SLC12A5: variants seen among roughly 807,000 people sequenced by gnomAD.
The protein encoded by SLC12A5 is solute carrier family 12 member 5.
SLC12A5 carries 18 observed loss-of-function variants against 124.0 expected under a neutral mutation model. The observed-to-expected ratio is 0.15, with a 90% CI of 0.10 to 0.22. The LOEUF is 0.22. Among genes scored for constraint, SLC12A5 ranks in the 10% least tolerant of loss-of-function variants. The pLI is 1.00. For missense variants in SLC12A5, 867 were observed against 1,478.7 expected (o/e 0.59, Z 6.78); for synonymous variants, 589 against 568.0 (o/e 1.04, Z -0.53).
rs1372240525 is a variant in SLC12A5 at position 46,059,826 on chromosome 20, T to G, written c.*2221T>G. ...TTGTAGTGATAACTAGTGTTGCTTT[T>G]GTTTTAGATGATCTATGTGCAGGGC... On this transcript the variant is annotated 3_prime_UTR_variant, in exon 26 of 26. Transcript: ENST00000243964. The G allele has an allele frequency of 5.1e-6, 2 of 394,638 alleles. No individual in the cohort carries two copies. The highest frequency in any genetic ancestry group is 8.9e-6 in the Non-Finnish European group (2 of 223,970). The allele number at this position is 394,638 out of a possible 1,614,324, so 24.4% of individuals were successfully genotyped here. A position where few individuals can be genotyped will look rare whatever the true frequency, so the allele number is the denominator to read the frequency against.
intron 11 of SLC12A5, chr20:46,044,626 G>T: frequency 3.2e-6 from 1 of 310,930 alleles, no homozygotes. Context: ...ATGTCTGAAG[G>T]GCATGAGCAC....
At chr20:46,039,776 A>C (rs944223241) in intron 6 of SLC12A5, among the ~76,000 whole-genome samples, 3 of 129,980 alleles carry the variant, frequency 2.3e-5, no homozygotes, top group Non-Finnish European at 5.1e-5. Context: ...ACTTTATTTC[A>C]AAAAAAAAAC....
Position 46,059,814 on chromosome 20 carries a change from T to A in SLC12A5, c.*2209T>A, listed in dbSNP as rs2084737308. On this transcript the variant is annotated 3_prime_UTR_variant, in exon 26 of 26. Coordinates refer to ENST00000243964, the MANE Select transcript of SLC12A5 (RefSeq NM_020708.5). The stretch of plus-strand genomic sequence containing the variant: ...ATTTCAATAGCCTTGTAGTGATAAC[T>A]AGTGTTGCTTTTGTTTTAGATGATC... 5.1e-6 allele frequency: 2 copies of A among 395,766 alleles called. No individual in the cohort carries two copies. The highest frequency in any genetic ancestry group is 3.6e-5 in the East Asian group (1 of 27,874). 24.5% of individuals were successfully genotyped at this position (395,766 alleles called of 1,614,324 possible).
chr20:46,041,430 G>A lies in SLC12A5; in HGVS notation c.956G>A (p.Gly319Asp), dbSNP rs371544733. The change falls in exon 8 of 26, where the codon GGC (glycine) becomes GAC (aspartate). Residue 319 changes from glycine (G) to aspartate (D), a missense_variant. Transcript: ENST00000243964. ...GNETVTTRLW[G>D]LFCSSRFLNA... The stretch of plus-strand genomic sequence containing the variant: ...GAGACGGTGACCACACGGCTATGGG[G>A]CCTTTTCTGCTCCTCTCGCTTCCTC... 2 of 1,614,126 alleles carry A rather than the reference G, an allele frequency of 1.2e-6. No individual in the cohort carries two copies. The highest frequency in any genetic ancestry group is 1.1e-5 in the South Asian group (1 of 91,076).
intron 18 of SLC12A5, among the ~76,000 whole-genome samples, chr20:46,052,485 C>T (rs1001452145): frequency 3.9e-5 from 6 of 152,172 alleles, no homozygotes; most frequent in African/African-American, 1.2e-4. Flanking sequence ...GGATCGCTTG[C>T]GCTCAGGAGT....
rs1254472782 is a variant in SLC12A5 at position 46,054,930 on chromosome 20, C to T, written c.2694C>T (p.Ile898=). ...TCTGCCCACAGCATGAGAGCGACAT[C>T]TCAGCTTACACCTATGAGAAGACGT... is the stretch of plus-strand genomic sequence containing the variant. The part of the protein sequence containing the change: ...VEVVEMHESD[I]SAYTYEKTLV... The change falls in exon 21 of 26, where the codon ATC becomes ATT. Residue 898 remains isoleucine (I), a synonymous_variant. Transcript: ENST00000243964. The T allele has an allele frequency of 6.2e-7, 1 of 1,613,528 alleles. No individual in the cohort carries two copies. The highest frequency in any genetic ancestry group is 1.7e-5 in the Admixed American group (1 of 59,962).
In SLC12A5 at chr20:46,059,530, G is replaced by A. The variant is rs2084732246; in HGVS notation, c.*1925G>A. 1 of 398,928 alleles carries A rather than the reference G, an allele frequency of 2.5e-6. No individual in the cohort carries two copies. Among genetic ancestry groups the A allele is most frequent in the African/African-American group, 2.1e-5 (1 of 48,604 alleles). 24.7% of individuals were successfully genotyped at this position (398,928 alleles called of 1,614,324 possible). The stretch of plus-strand genomic sequence containing the variant: ...GGCCTGAATATTCCAGAGCTGATGT[G>A]ATGGGCTGTGCAGAAGGGGGCTGTA... On this transcript the variant is annotated 3_prime_UTR_variant, in exon 26 of 26. Transcript: ENST00000243964.
chr20:46,045,853 C>A lies in SLC12A5; in HGVS notation c.1570-25C>A. The stretch of plus-strand genomic sequence containing the variant: ...GCTGAGAAATCCTTGAGGTCTCAGT[C>A]CCATGATGATTGCTCTTTCCCCAGG... On this transcript the variant is annotated intron_variant, in intron 12 of 25. Transcript: ENST00000243964. This position sits in a 1 kb window ranked among gnomAD's most constrained non-coding sequence, Gnocchi z 4.9. 6.3e-7 allele frequency: 1 copy of A among 1,598,614 alleles called. No individual in the cohort carries two copies.
intron 1 of SLC12A5, among the ~76,000 whole-genome samples, chr20:46,032,903 A>T (rs529576253): frequency 2.6e-5 from 4 of 152,294 alleles, no homozygotes; most frequent in African/African-American, 9.6e-5. Flanking sequence ...GCCCTGGAGA[A>T]CTTAGCTCCA....
At position 46,059,254 on chromosome 20, in the gene SLC12A5, C is replaced by T. The variant is rs2084728771; in HGVS notation, c.*1649C>T. ...CCAGAGCTGGCGCCACTGAGTAATC[C>T]GGACCTCACCACCTCTTTTCCTTTG... On this transcript the variant is annotated 3_prime_UTR_variant, in exon 26 of 26. Transcript: ENST00000243964. 2 of 282,850 alleles carry T rather than the reference C, an allele frequency of 7.1e-6. No homozygotes were observed. Among genetic ancestry groups the T allele is most frequent in the South Asian group, 1.7e-4 (1 of 5,986 alleles). The allele number at this position is 282,850 out of a possible 1,614,324, so 17.5% of individuals were successfully genotyped here.
rs2084706258 is a variant in SLC12A5, at chr20:46,057,406, G to C, written c.3259+103G>C. 6.2e-7 allele frequency: 1 copy of C among 1,606,028 alleles called. No homozygotes were observed. Among genetic ancestry groups the C allele is most frequent in the African/African-American group, 1.3e-5 (1 of 74,842 alleles). ...CTGAGCTGTTCCTGCCTCCGGATCA[G>C]CACCTCGGACAGGGACACGGGCGCG... is the stretch of plus-strand genomic sequence containing the variant. On this transcript the variant is annotated intron_variant, in intron 25 of 25. Coordinates refer to ENST00000243964, the MANE Select transcript of SLC12A5 (RefSeq NM_020708.5). This position sits in a 1 kb window ranked among gnomAD's most constrained non-coding sequence, Gnocchi z 7.1.
At chr20:46,055,364 C>G (rs999465463) in intron 21 of SLC12A5, among the ~76,000 whole-genome samples, 1 of 152,096 alleles carries the variant, frequency 6.6e-6, no homozygotes, top group African/African-American at 2.4e-5. Context: ...GGGATAAGGG[C>G]TCATGTAGAA....
intron 1 of SLC12A5, among the ~76,000 whole-genome samples, chr20:46,033,193 G>T (rs546176012): frequency 6.6e-6 from 1 of 152,166 alleles, no homozygotes; most frequent in Non-Finnish European, 1.5e-5. Context: ...AAGGTTTCCC[G>T]GAGGTAGAGA....
chr20:46,027,628 C>CTGTTTGTTTGTTTGTT (rs72102685), upstream of SLC12A5: 1 of 151,316 alleles, frequency 6.6e-6, no homozygotes, highest in Non-Finnish European at 1.5e-5. Context: ...GATGTAGTGC[C>CTGTTTGTTTGTTTGTT]TGTTTGTTTG....
In SLC12A5 at chr20:46,050,576, C is replaced by T. The variant is rs541878218; in HGVS notation, c.2181+786C>T. 2.3e-4 allele frequency among the ~76,000 whole-genome samples: 35 copies of T among 152,242 alleles called. No homozygotes were observed. In the East Asian group the frequency reaches 3.9e-3, roughly 17 times the overall value. ...TGGGGAGGGGCACCCCGATGGCTTG[C>T]GACAGTCGCTGCTTCTGCCTCACTG... On this transcript the variant is annotated intron_variant, in intron 17 of 25. Coordinates refer to ENST00000243964, the MANE Select transcript of SLC12A5 (RefSeq NM_020708.5).
At chr20:46,027,214 G>T (rs533334676), upstream of SLC12A5, among the ~76,000 whole-genome samples, 6 of 152,218 alleles carry the variant, frequency 3.9e-5, no homozygotes, top group East Asian at 5.8e-4. Context: ...CCTTTTGGTG[G>T]TTTTTTTCTC....
Position 46,057,237 on chromosome 20 carries a change from C to A in SLC12A5, c.3193C>A (p.Arg1065=), listed in dbSNP as rs774675766. ...RLNEVIVKKS[R]DAKLVLLNMP... ...GAACGAGGTCATCGTGAAGAAATCC[C>A]GGGACGCCAAGCTTGTTTTGCTCAA... Residue 1065 remains arginine, a synonymous_variant, in exon 25 of 26, where the codon CGG becomes AGG. Transcript: ENST00000243964. The surrounding 1 kb of genome is among the most constrained non-coding windows in gnomAD (Gnocchi z 7.1). 1 of 1,614,104 alleles carries A rather than the reference C, an allele frequency of 6.2e-7. No homozygotes were observed. The highest frequency in any genetic ancestry group is 2.2e-5 in the East Asian group (1 of 44,898).
intron 6 of SLC12A5, chr20:46,038,409 A>G (rs992596354): frequency 6.6e-6 from 1 of 152,070 alleles, no homozygotes; most frequent in African/African-American, 2.4e-5. Flanking sequence ...GCTGGTCTCA[A>G]ACTCCTGAGT....
At chr20:46,035,347 C>T in intron 2 of SLC12A5, 57 bp from the exon 3 acceptor site, 1 of 1,579,344 alleles carries the variant, frequency 6.3e-7, no homozygotes, top group Non-Finnish European at 8.6e-7. Context: ...CCCTTCGCCA[C>T]CCAGCTCACT....
Sources: allele counts gnomAD v4.1 joint callset (sites outside exome capture counted in the v4.1 genomes callset), GRCh38; gene constraint gnomAD v4.1.1; non-coding constraint Gnocchi (gnomAD v3.1); transcripts MANE v1.5; gene names NCBI Gene and HGNC (gene_info 2026-07-23, HGNC 2026-07-21).